SLC9A9: variants seen among roughly 807,000 people sequenced by gnomAD.
The protein encoded by SLC9A9 is sodium/hydrogen exchanger 9.
In SLC9A9, 62 loss-of-function variants were observed where a neutral mutation model predicts 77.8. The ratio of observed to expected loss-of-function variants is 0.80; its 90% CI spans 0.65 to 0.98. The LOEUF is 0.98. Among genes scored for constraint, SLC9A9 ranks in the 50% least tolerant of loss-of-function variants. The pLI is 0.00. For missense variants in SLC9A9, 775 were observed against 774.9 expected (o/e 1.00, Z 0.00); for synonymous variants, 320 against 283.5 (o/e 1.13, Z -1.29).
intron 13 of SLC9A9, among the ~76,000 whole-genome samples, chr3:143,380,899 C>A (rs766841008): frequency 1.3e-5 from 2 of 152,130 alleles, no homozygotes; most frequent in Non-Finnish European, 2.9e-5. Context: ...GAAAAACAAG[C>A]ATGAAATAAA....
chr3:143,614,754 A>G lies in SLC9A9; in HGVS notation c.756-36031T>C, dbSNP rs192730359. Among the ~76,000 whole-genome samples, 43 of 152,312 alleles carry G rather than the reference A, an allele frequency of 2.8e-4. No individual in the cohort carries two copies. The East Asian group carries it at 7.7e-3, about 27-fold the overall frequency. ...CAATTCAGATTCCACATTTATGGTA[A>G]CCTTTTATGTATCAGGTGGAGTACT... On this transcript the variant is annotated intron_variant, in intron 6 of 15. Transcript: ENST00000316549.
chr3:143,757,394 C>T (rs899111090), intron 4 of SLC9A9, among the ~76,000 whole-genome samples: 1 of 152,122 alleles, frequency 6.6e-6, no homozygotes, highest in African/African-American at 2.4e-5. Context: ...ATGCTTCAGG[C>T]CAAACAAAAC....
intron 14 of SLC9A9, among the ~76,000 whole-genome samples, chr3:143,329,050 A>C (rs530567900): frequency 6.6e-6 from 1 of 152,346 alleles, no homozygotes; most frequent in East Asian, 1.9e-4. Context: ...AAGGGTATCA[A>C]AGTCAAACGA....
intron 6 of SLC9A9, among the ~76,000 whole-genome samples, chr3:143,642,273 T>A (rs1442934606): frequency 6.6e-6 from 1 of 152,230 alleles, no homozygotes; most frequent in African/African-American, 2.4e-5. Context: ...TAATCCTTAT[T>A]GGAAATAAAC....
At chr3:143,584,428 C>T (rs1339111990) in intron 6 of SLC9A9, among the ~76,000 whole-genome samples, 1 of 152,190 alleles carries the variant, frequency 6.6e-6, no homozygotes, top group East Asian at 1.9e-4. Flanking sequence ...GCCTCACTCC[C>T]TTTGTTAACA....
At chr3:143,731,365 G>A (rs1035875660) in intron 4 of SLC9A9, among the ~76,000 whole-genome samples, 2 of 152,202 alleles carry the variant, frequency 1.3e-5, no homozygotes, top group African/African-American at 4.8e-5. Flanking sequence ...CTAAGGTTGA[G>A]TTTGAACTCT....
rs757286025 is a variant in SLC9A9 at position 143,382,066 on chromosome 3, T to G, written c.1518A>C (p.Gln506His). The part of the protein sequence containing the change: ...DENLKEDPSS[Q>H]HQEANNLDKN... ...ATTGGTTTCTTTGACTTGCCTGGTG[T>G]TGTGAGGAGGGGTCCTCCTTCAGAT... is the stretch of plus-strand genomic sequence containing the variant. Residue 506 changes from glutamine to histidine, a missense_variant, in exon 13 of 16, where the codon CAA (glutamine) becomes CAC (histidine). Physicochemically the swap from Gln to His is conservative, Grantham distance 24 (BLOSUM62 0). Transcript: ENST00000316549. The G allele has an allele frequency of 1.2e-5, 20 of 1,614,024 alleles. No individual in the cohort carries two copies. In the South Asian group the frequency reaches 2.2e-4, roughly 18 times the overall value.
chr3:143,720,379 GTTCTC>G (rs1195352292), intron 4 of SLC9A9, among the ~76,000 whole-genome samples: 2 of 152,102 alleles, frequency 1.3e-5, no homozygotes, highest in Non-Finnish European at 2.9e-5. Context: ...GTTCAGGGTT[GTTCTC>G]TTCTATTCTT....
chr3:143,386,884 A>T (rs2033439121), intron 12 of SLC9A9, among the ~76,000 whole-genome samples: 1 of 152,160 alleles, frequency 6.6e-6, no homozygotes, highest in Admixed American at 6.5e-5. Flanking sequence ...TCTGTCACCC[A>T]GGCTGGAGTA....
At chr3:143,841,780 C>G (rs868098558) in intron 1 of SLC9A9, among the ~76,000 whole-genome samples, 1 of 151,374 alleles carries the variant, frequency 6.6e-6, no homozygotes, top group Non-Finnish European at 1.5e-5. Context: ...TTTTTTGATA[C>G]AGTCTTCCCG....
chr3:143,841,754 C>CTTTTCTTTTTTTTTCTT (rs55981223), intron 1 of SLC9A9, among the ~76,000 whole-genome samples: 137,981 of 149,364 alleles, frequency 0.92, 64,077 homozygotes, highest in East Asian at 1. Context: ...TATAGAGGCT[C>CTTTTCTTTTTTTTTCTT]TTTTCTTTAT....
chr3:143,817,148 T>TA (rs201956057), intron 2 of SLC9A9, among the ~76,000 whole-genome samples: 3,584 of 147,906 alleles, frequency 0.024, 151 homozygotes, highest in African/African-American at 0.081. Context: ...TTTTTTTATT[T>TA]TTTTTTTTTT....
At chr3:143,768,148 A>T (rs373605560) in intron 4 of SLC9A9, among the ~76,000 whole-genome samples, 1 of 152,026 alleles carries the variant, frequency 6.6e-6, no homozygotes, top group Non-Finnish European at 1.5e-5. Context: ...TCACTGACTG[A>T]CTGCCAGACA....
chr3:143,494,178 T>A (rs2035795453), intron 10 of SLC9A9, among the ~76,000 whole-genome samples: 1 of 152,234 alleles, frequency 6.6e-6, no homozygotes, highest in African/African-American at 2.4e-5. Context: ...CCATCTTCCT[T>A]CTTATCAGTT....
chr3:143,691,452 G>A (rs1190914381), intron 5 of SLC9A9, among the ~76,000 whole-genome samples: 2 of 152,054 alleles, frequency 1.3e-5, no homozygotes, highest in African/African-American at 4.8e-5. Context: ...GCTAGGCCTT[G>A]GCATTCTTCT....
At chr3:143,393,727 G>A (rs927539079) in intron 12 of SLC9A9, among the ~76,000 whole-genome samples, 1 of 151,796 alleles carries the variant, frequency 6.6e-6, no homozygotes, top group Non-Finnish European at 1.5e-5. Flanking sequence ...GAAGAAAAGA[G>A]AGAAGAATCA....
chr3:143,530,253 C>T (rs1414454948), intron 9 of SLC9A9, among the ~76,000 whole-genome samples: 1 of 152,204 alleles, frequency 6.6e-6, no homozygotes. Context: ...ATTGAAGCTC[C>T]CATGATTCCC....
chr3:143,702,843 A>G (rs1458670659), intron 4 of SLC9A9, among the ~76,000 whole-genome samples: 2 of 152,102 alleles, frequency 1.3e-5, no homozygotes, highest in Non-Finnish European at 2.9e-5. Context: ...CGCTTCACCT[A>G]TAAAAGTACA....
At position 143,655,437 on chromosome 3, in the gene SLC9A9, C is replaced by T. The variant is rs186504791; in HGVS notation, c.650-3077G>A. 27 of 979,852 alleles carry T rather than the reference C, an allele frequency of 2.8e-5. No individual in the cohort carries two copies. The East Asian group carries it at 2.3e-3, about 83-fold the overall frequency. The allele number at this position is 979,852 out of a possible 1,614,324, so 60.7% of individuals were successfully genotyped here. ...GATAGGAAGGGGAAAAGATGCAATCCGATTTCTTAAACCTTTGATTTTATC... is the reference window on the plus strand; with the variant it reads ...GATAGGAAGGGGAAAAGATGCAATCTGATTTCTTAAACCTTTGATTTTATC... On this transcript the variant is annotated intron_variant, in intron 5 of 15. Transcript: ENST00000316549.
Sources: allele counts gnomAD v4.1 joint callset (sites outside exome capture counted in the v4.1 genomes callset), GRCh38; gene constraint gnomAD v4.1.1; transcripts MANE v1.5; gene names NCBI Gene and HGNC (gene_info 2026-07-23, HGNC 2026-07-21).